DLGAP1: variants seen among roughly 807,000 people sequenced by gnomAD.
DLGAP1 encodes the protein disks large-associated protein 1.
DLGAP1 carries 11 observed loss-of-function variants against 90.8 expected under a neutral mutation model. The observed-to-expected ratio is 0.12, with a 90% CI of 0.08 to 0.20. The LOEUF is 0.20. Ranked by LOEUF, DLGAP1 falls within the 10% of genes least tolerant of loss-of-function variation. DLGAP1 has a pLI of 1.00. For missense variants in DLGAP1, 1,050 were observed against 1,333.8 expected, an observed-to-expected ratio of 0.79 and a Z score of 3.31; for synonymous variants, 558 against 540.7, an observed-to-expected ratio of 1.03 and a Z score of -0.44.
intron 3 of DLGAP1, among the ~76,000 whole-genome samples, chr18:3,907,940 T>G (rs2071947207): frequency 6.6e-6 from 1 of 152,212 alleles, no homozygotes; most frequent in Non-Finnish European, 1.5e-5. Context: ...GGCAGCACAA[T>G]TCTGAGTTCT....
At chr18:4,023,114 A>G (rs900399539) in intron 2 of DLGAP1, among the ~76,000 whole-genome samples, 2 of 152,160 alleles carry the variant, frequency 1.3e-5, no homozygotes, top group African/African-American at 4.8e-5. Context: ...CAATCTGATG[A>G]TTATAGACTG....
chr18:4,113,133 G>T (rs964468253), intron 2 of DLGAP1, among the ~76,000 whole-genome samples: 3 of 152,124 alleles, frequency 2.0e-5, no homozygotes, highest in South Asian at 2.1e-4. Context: ...TCAGTTACGG[G>T]ATTGCTGGGT....
At chr18:4,417,706 A>T (rs933724602) in intron 1 of DLGAP1, among the ~76,000 whole-genome samples, 3 of 152,180 alleles carry the variant, frequency 2.0e-5, no homozygotes, top group Non-Finnish European at 4.4e-5. Context: ...CAGCTGAGGG[A>T]AGAAAACAGA....
At chr18:3,538,947 T>C (rs775285653) in intron 9 of DLGAP1, among the ~76,000 whole-genome samples, 7 of 152,228 alleles carry the variant, frequency 4.6e-5, no homozygotes, top group Non-Finnish European at 1.0e-4. Flanking sequence ...AGTAGATTAA[T>C]AGAAGTTTGC....
chr18:3,622,331 T>C (rs1347378676), intron 7 of DLGAP1, among the ~76,000 whole-genome samples: 1 of 152,104 alleles, frequency 6.6e-6, no homozygotes, highest in Non-Finnish European at 1.5e-5. Flanking sequence ...GGTCTCGATC[T>C]CCTGACCTCG....
intron 5 of DLGAP1, among the ~76,000 whole-genome samples, chr18:3,804,526 C>T (rs1271337017): frequency 6.6e-6 from 1 of 152,208 alleles, no homozygotes; most frequent in Non-Finnish European, 1.5e-5. Context: ...AGCTCCCAGC[C>T]TCCAGGTGGG....
chr18:4,174,480 G>A (rs962880871), intron 1 of DLGAP1, among the ~76,000 whole-genome samples: 9 of 151,602 alleles, frequency 5.9e-5, no homozygotes, highest in Non-Finnish European at 8.8e-5. Flanking sequence ...GATTACAGGC[G>A]CCCACCACCA....
chr18:3,669,865 G>A (rs1332371243), intron 7 of DLGAP1, among the ~76,000 whole-genome samples: 1 of 152,176 alleles, frequency 6.6e-6, no homozygotes, highest in East Asian at 1.9e-4. Flanking sequence ...GCTGCCTATA[G>A]GGCTAAACTA....
At chr18:3,803,570 G>T (rs938349488) in intron 5 of DLGAP1, among the ~76,000 whole-genome samples, 5 of 152,156 alleles carry the variant, frequency 3.3e-5, no homozygotes, top group Non-Finnish European at 5.9e-5. Context: ...GTGGTCCAAA[G>T]AACTAAAAGA....
In DLGAP1 at chr18:3,879,819, C is replaced by T. The variant is rs890049421; in HGVS notation, c.250G>A (p.Glu84Lys). Reference sequence around the variant, plus strand: ...AGGGTGCGGGGCACCAGGGCACACTCGTCCTTCAGCTCTTGCTGCGAGGTG... The same window carrying T: ...AGGGTGCGGGGCACCAGGGCACACTTGTCCTTCAGCTCTTGCTGCGAGGTG... ...HYTSQQELKD[E>K]CALVPRTLAT... The change falls in exon 4 of 13, where the codon GAG becomes AAG. Residue 84 changes from glutamate (E) to lysine (K), a missense_variant. Around this residue, in one of 2 missense-constraint regions of DLGAP1, gnomAD observed 485 missense variants for 454.1 expected, o/e 1.07. Coordinates refer to ENST00000315677, the MANE Select transcript of DLGAP1 (RefSeq NM_004746.4). The surrounding 1 kb of genome is among the most constrained non-coding windows in gnomAD (Gnocchi z 6.6). The T allele has an allele frequency of 7.5e-6, 12 of 1,608,078 alleles. No homozygotes were observed. The highest frequency in any genetic ancestry group is 1.3e-5 in the African/African-American group (1 of 74,946).
At chr18:4,131,037 G>T (rs1319533567) in intron 2 of DLGAP1, among the ~76,000 whole-genome samples, 1 of 152,098 alleles carries the variant, frequency 6.6e-6, no homozygotes, top group Non-Finnish European at 1.5e-5. Context: ...GATAAACAAT[G>T]TCTTTTATGA....
intron 7 of DLGAP1, among the ~76,000 whole-genome samples, chr18:3,687,434 C>T (rs759298844): frequency 7.8e-4 from 119 of 152,248 alleles, no homozygotes; most frequent in Admixed American, 1.7e-3. Flanking sequence ...ACGCCAACAA[C>T]ATAATAAAAT....
intron 7 of DLGAP1, among the ~76,000 whole-genome samples, chr18:3,717,480 C>T (rs1259052226): frequency 6.6e-6 from 1 of 152,288 alleles, no homozygotes; most frequent in African/African-American, 2.4e-5. Context: ...TAGCACTTAC[C>T]AGTCTCTTGG....
intron 2 of DLGAP1, among the ~76,000 whole-genome samples, chr18:4,100,255 G>A (rs1357126801): frequency 6.6e-6 from 1 of 152,218 alleles, no homozygotes; most frequent in Non-Finnish European, 1.5e-5. Context: ...CATGGATATT[G>A]TGTTAACAGG....
intron 1 of DLGAP1, among the ~76,000 whole-genome samples, chr18:4,183,839 T>C (rs2077247286): frequency 6.6e-6 from 1 of 152,152 alleles, no homozygotes; most frequent in African/African-American, 2.4e-5. Flanking sequence ...AATACTGTAC[T>C]TTTCCTTCAC....
At chr18:3,726,819 C>T (rs2147422813) in intron 7 of DLGAP1, among the ~76,000 whole-genome samples, 1 of 152,276 alleles carries the variant, frequency 6.6e-6, no homozygotes, top group Middle Eastern at 3.4e-3. Context: ...GCAGCCAAGC[C>T]TGGAGCCTTC....
chr18:3,741,324 C>CCAT (rs2063026315), intron 6 of DLGAP1, among the ~76,000 whole-genome samples: 1 of 135,894 alleles, frequency 7.4e-6, no homozygotes, highest in Non-Finnish European at 1.6e-5. Flanking sequence ...ACCACCACCA[C>CCAT]CACCATCACC....
intron 7 of DLGAP1, among the ~76,000 whole-genome samples, chr18:3,583,184 A>ACCTACCTACCTTCCTT (rs1555688608): frequency 5.5e-5 from 7 of 127,832 alleles, no homozygotes; most frequent in African/African-American, 2.2e-4. Flanking sequence ...CTACCTACCT[A>ACCTACCTACCTTCCTT]CCTTCCTTCC....
intron 4 of DLGAP1, among the ~76,000 whole-genome samples, chr18:3,816,442 T>G (rs1241761317): frequency 3.9e-5 from 6 of 152,194 alleles, no homozygotes; most frequent in Non-Finnish European, 8.8e-5. Context: ...TTAATTCACC[T>G]GTATAACTGG....
Sources: allele counts gnomAD v4.1 joint callset (sites outside exome capture counted in the v4.1 genomes callset), GRCh38; gene constraint gnomAD v4.1.1; regional missense constraint gnomAD v4.1.1; non-coding constraint Gnocchi (gnomAD v3.1); transcripts MANE v1.5; gene names NCBI Gene and HGNC (gene_info 2026-07-23, HGNC 2026-07-21).